PARP1: variants seen among roughly 807,000 people sequenced by gnomAD.
PARP1 encodes the protein poly(ADP-ribose) polymerase 1, also known as poly [ADP-ribose] polymerase 1.
A neutral mutation model predicts 118.7 loss-of-function variants in PARP1; 44 were observed. That is an observed-to-expected ratio of 0.37 (90% confidence interval 0.29 to 0.48). PARP1 has a LOEUF of 0.48. Among genes scored for constraint, PARP1 ranks in the 20% least tolerant of loss-of-function variants. PARP1 has a pLI of 0.99. For missense variants in PARP1, 1,100 were observed against 1,272.4 expected, an observed-to-expected ratio of 0.86 and a Z score of 2.06; for synonymous variants, 492 against 483.2, an observed-to-expected ratio of 1.02 and a Z score of -0.24.
At chr1:226,405,982 G>T (rs1336053702) in intron 1 of PARP1, among the ~76,000 whole-genome samples, 2 of 152,020 alleles carry the variant, frequency 1.3e-5, no homozygotes, top group Non-Finnish European at 2.9e-5. Context: ...GCTCGAAAAG[G>T]AAACACTGAG....
intron 1 of PARP1, among the ~76,000 whole-genome samples, chr1:226,405,688 G>T (rs997344312): frequency 1.3e-5 from 2 of 152,098 alleles, no homozygotes; most frequent in African/African-American, 4.8e-5. Context: ...CCTCCACAGC[G>T]GTGTTGTTCT....
chr1:226,398,003 C>T (rs1298479814), intron 2 of PARP1, among the ~76,000 whole-genome samples: 2 of 150,770 alleles, frequency 1.3e-5, no homozygotes, highest in East Asian at 1.9e-4. Context: ...TAGACACAGA[C>T]CTTACACCCT....
At position 226,373,404 on chromosome 1, in the gene PARP1, G is replaced by GA. The variant is rs1664430052; in HGVS notation, c.2070+821dup. Among the ~76,000 whole-genome samples, 3 of 152,334 alleles carry GA rather than the reference G, an allele frequency of 2.0e-5. No homozygotes were observed. In the South Asian group the frequency reaches 6.2e-4, roughly 32 times the overall value. On this transcript the variant is annotated intron_variant, in intron 14 of 22. Coordinates refer to ENST00000366794, the MANE Select transcript of PARP1 (RefSeq NM_001618.4). ...GGTTCAGCAGCTAGGGTAGAGAGGA[G>GA]AGGGTGTTTGCTGGCCAGGTGGGAC...
chr1:226,365,795 A>AAC (rs1553294428), intron 18 of PARP1, among the ~76,000 whole-genome samples, 159 bp downstream of exon 18: 17 of 150,862 alleles, frequency 1.1e-4, no homozygotes, highest in African/African-American at 4.1e-4. Flanking sequence ...CAAACAAACA[A>AAC]AAAAAAAACT....
intron 2 of PARP1, among the ~76,000 whole-genome samples, chr1:226,400,200 G>A (rs1392779177): frequency 1.3e-5 from 2 of 151,746 alleles, no homozygotes; most frequent in Non-Finnish European, 2.9e-5. Flanking sequence ...TCGGGAGGCT[G>A]AGGCAGGAGA....
intron 21 of PARP1, 70 bp downstream of exon 21, chr1:226,363,029 C>A: frequency 9.2e-7 from 1 of 1,082,032 alleles, no homozygotes; most frequent in Non-Finnish European, 1.4e-6. Context: ...CTTCTCAGGA[C>A]AGCAAGCCCC....
At chr1:226,391,626 A>G (rs185986959) in intron 3 of PARP1, among the ~76,000 whole-genome samples, 1 of 152,336 alleles carries the variant, frequency 6.6e-6, no homozygotes, top group African/African-American at 2.4e-5. Context: ...GGCTCACCTC[A>G]GTTTTCTGTA....
rs368733612 is a variant in PARP1 at position 226,374,211 on chromosome 1, A to G, written c.2070+15T>C. On this transcript the variant is annotated intron_variant, in intron 14 of 22. Coordinates refer to ENST00000366794, the MANE Select transcript of PARP1 (RefSeq NM_001618.4). ...ACAGCAAATGCTCACAGATAAAATG[A>G]TAAAGCGCAATAACCTCATACTCCA... 6 of 1,613,446 alleles carry G rather than the reference A, an allele frequency of 3.7e-6. No homozygotes were observed. Among genetic ancestry groups the G allele is most frequent in the Non-Finnish European group, 5.1e-6 (6 of 1,179,978 alleles).
At chr1:226,364,135 G>C in intron 19 of PARP1, 65 bp from the exon 20 acceptor site, 1 of 1,561,822 alleles carries the variant, frequency 6.4e-7, no homozygotes, top group Non-Finnish European at 8.8e-7. Flanking sequence ...GCTGTTCACT[G>C]AGTGCCAACT....
At chr1:226,399,396 T>C (rs188423292) in intron 2 of PARP1, among the ~76,000 whole-genome samples, 24 of 152,226 alleles carry the variant, frequency 1.6e-4, no homozygotes, top group South Asian at 1.0e-3. Flanking sequence ...TAAGAGCACA[T>C]TGCTAGTGAG....
chr1:226,407,647 G>C (rs565988452), intron 1 of PARP1, among the ~76,000 whole-genome samples, 163 bp downstream of exon 1: 1 of 151,970 alleles, frequency 6.6e-6, no homozygotes, highest in South Asian at 2.1e-4. Flanking sequence ...AGGGTCGGCC[G>C]GGCCGCTCGG....
chr1:226,395,425 A>G (rs1576401619), intron 2 of PARP1, among the ~76,000 whole-genome samples: 1 of 152,220 alleles, frequency 6.6e-6, no homozygotes, highest in East Asian at 1.9e-4. Flanking sequence ...GGCCGTGTGC[A>G]GTGGCTCACG....
intron 8 of PARP1, among the ~76,000 whole-genome samples, chr1:226,382,386 G>A (rs1330413374): frequency 6.6e-6 from 1 of 152,186 alleles, no homozygotes; most frequent in Non-Finnish European, 1.5e-5. Flanking sequence ...GGGCAGCCTG[G>A]AGAGTGAGGC....
intron 12 of PARP1, 44 bp downstream of exon 12, chr1:226,379,098 G>C: frequency 1.9e-6 from 3 of 1,612,516 alleles, no homozygotes; most frequent in South Asian, 2.2e-5. Context: ...AATGCAGGAC[G>C]GGCCCATGTC....
At chr1:226,397,259 T>C (rs1238182991) in intron 2 of PARP1, among the ~76,000 whole-genome samples, 1 of 151,964 alleles carries the variant, frequency 6.6e-6, no homozygotes, top group African/African-American at 2.4e-5. Flanking sequence ...AGTTAGAAAC[T>C]GCAGTGAGCT....
At chr1:226,387,414 CCA>C (rs1198145526) in intron 5 of PARP1, among the ~76,000 whole-genome samples, 7 of 152,228 alleles carry the variant, frequency 4.6e-5, no homozygotes, top group Non-Finnish European at 7.3e-5. Flanking sequence ...TGCTCAGATT[CCA>C]CCTCTGCAAA....
At chr1:226,362,931 A>C (rs116092675) in intron 21 of PARP1, among the ~76,000 whole-genome samples, 168 bp downstream of exon 21, 5 of 149,972 alleles carry the variant, frequency 3.3e-5, no homozygotes, top group Admixed American at 6.7e-5. Flanking sequence ...CACCACCACC[A>C]CCCCCCAAAC....
intron 1 of PARP1, among the ~76,000 whole-genome samples, chr1:226,407,556 GT>G (rs1665176091): frequency 6.6e-6 from 1 of 152,000 alleles, no homozygotes; most frequent in South Asian, 2.1e-4. Context: ...GAGGCTCCTC[GT>G]TTTCACAAAG....
At chr1:226,406,015 G>A (rs1326916154) in intron 1 of PARP1, among the ~76,000 whole-genome samples, 1 of 152,046 alleles carries the variant, frequency 6.6e-6, no homozygotes, top group African/African-American at 2.4e-5. Context: ...ACATTTGAAA[G>A]GTAATTTGGG....
Sources: gnomAD v4.1 joint callset for allele counts (sites outside exome capture counted in the v4.1 genomes callset) on GRCh38, gnomAD v4.1.1 for gene constraint, MANE v1.5 for transcripts, NCBI Gene and HGNC (gene_info 2026-07-23, HGNC 2026-07-21) for gene names.